KIFAP3: variants seen among roughly 807,000 people sequenced by gnomAD.
KIFAP3 encodes kinesin-associated protein 3.
Under a neutral mutation model 106.5 loss-of-function variants are expected in KIFAP3, and 68 were observed. The ratio of observed to expected loss-of-function variants is 0.64; its 90% CI spans 0.53 to 0.78. The LOEUF is 0.78. Ranked by LOEUF, KIFAP3 falls within the 30% of genes least tolerant of loss-of-function variation. The pLI, the probability that KIFAP3 is intolerant of heterozygous loss-of-function variation, is 0.00. For missense variants in KIFAP3, 780 were observed against 941.8 expected, an observed-to-expected ratio of 0.83 and a Z score of 2.25; for synonymous variants, 320 against 311.5, an observed-to-expected ratio of 1.03 and a Z score of -0.29.
At chr1:169,990,689 A>G (rs531759031) in intron 11 of KIFAP3, among the ~76,000 whole-genome samples, 14 of 152,196 alleles carry the variant, frequency 9.2e-5, no homozygotes, top group Admixed American at 5.2e-4. Context: ...GTTATGATGT[A>G]CAGAATCTCT....
At chr1:170,062,052 T>A (rs1345215554) in intron 1 of KIFAP3, among the ~76,000 whole-genome samples, 1 of 151,986 alleles carries the variant, frequency 6.6e-6, no homozygotes. Flanking sequence ...TTAGGAGATA[T>A]GCCTAATGTA....
chr1:170,052,435 A>G (rs1227907814), intron 2 of KIFAP3, among the ~76,000 whole-genome samples: 2 of 152,174 alleles, frequency 1.3e-5, no homozygotes, highest in African/African-American at 4.8e-5. Context: ...GGGTACCATT[A>G]TTTCTGAAAC....
chr1:169,946,798 C>T (rs892911494), intron 19 of KIFAP3, among the ~76,000 whole-genome samples: 8 of 151,872 alleles, frequency 5.3e-5, no homozygotes, highest in African/African-American at 1.9e-4. Flanking sequence ...TTAGAAGGCT[C>T]CTAAGGTATT....
At chr1:169,964,308 C>T (rs1225220155) in intron 17 of KIFAP3, among the ~76,000 whole-genome samples, 1 of 152,136 alleles carries the variant, frequency 6.6e-6, no homozygotes, top group Non-Finnish European at 1.5e-5. Context: ...AAATGAGGCC[C>T]TGAACACTGA....
intron 1 of KIFAP3, among the ~76,000 whole-genome samples, chr1:170,065,245 C>A (rs1277887707): frequency 6.6e-6 from 1 of 152,164 alleles, no homozygotes; most frequent in Non-Finnish European, 1.5e-5. Flanking sequence ...CATTAACTTA[C>A]CATGTCCATA....
chr1:170,079,095 T>A (rs1571783242), upstream of KIFAP3, among the ~76,000 whole-genome samples: 1 of 152,222 alleles, frequency 6.6e-6, no homozygotes, highest in African/African-American at 2.4e-5. Flanking sequence ...CAGGGCCTAA[T>A]GGGAGATGTT....
intron 1 of KIFAP3, among the ~76,000 whole-genome samples, chr1:170,062,852 T>G (rs190033135): frequency 6.6e-6 from 1 of 152,108 alleles, no homozygotes; most frequent in Non-Finnish European, 1.5e-5. Flanking sequence ...GTGACCCTAC[T>G]GCTTAGAAAT....
At chr1:170,005,768 T>C (rs1461202715) in intron 10 of KIFAP3, among the ~76,000 whole-genome samples, 1 of 148,658 alleles carries the variant, frequency 6.7e-6, no homozygotes, top group Non-Finnish European at 1.5e-5. Flanking sequence ...AATGACGAGT[T>C]AATGGGTGCA....
intron 10 of KIFAP3, among the ~76,000 whole-genome samples, chr1:170,015,667 T>C (rs1355589231): frequency 1.3e-5 from 2 of 152,140 alleles, no homozygotes; most frequent in African/African-American, 2.4e-5. Flanking sequence ...CACTTAGGCA[T>C]AAAAGAGCTT....
intron 9 of KIFAP3, among the ~76,000 whole-genome samples, chr1:170,022,334 T>C (rs532305366): frequency 7.1e-4 from 108 of 152,260 alleles, no homozygotes; most frequent in African/African-American, 2.5e-3. Context: ...CAACAATCTA[T>C]CAGCAAGTTT....
At chr1:170,046,578 C>T (rs557311860) in intron 3 of KIFAP3, 134 bp downstream of exon 3, 2 of 614,964 alleles carry the variant, frequency 3.3e-6, no homozygotes, top group South Asian at 6.1e-5. Flanking sequence ...TTTACTCATT[C>T]ATAACACTGG....
chr1:169,964,667 T>C lies in KIFAP3; in HGVS notation c.1984-3432A>G, dbSNP rs183658967. ...GGGTGGGTATTGGGAAAAGAGGGAG[T>C]TGAAAAATAATATGCACAGAGATGT... On this transcript the variant is annotated intron_variant, in intron 17 of 19. Transcript: ENST00000361580. 1.9e-4 allele frequency among the ~76,000 whole-genome samples: 29 copies of C among 152,018 alleles called. 1 individual carries two copies. The East Asian group carries it at 5.2e-3, about 27-fold the overall frequency.
At chr1:169,966,375 A>G (rs1665622844) in intron 17 of KIFAP3, among the ~76,000 whole-genome samples, 1 of 151,414 alleles carries the variant, frequency 6.6e-6, no homozygotes, top group African/African-American at 2.4e-5. Context: ...TGAATCTACT[A>G]CATTGGCAAG....
chr1:170,010,534 T>C (rs1668190796), intron 10 of KIFAP3, among the ~76,000 whole-genome samples: 1 of 152,056 alleles, frequency 6.6e-6, no homozygotes, highest in African/African-American at 2.4e-5. Flanking sequence ...CCTTTAATTA[T>C]TCAAATCACA....
At chr1:169,921,905 A>T in intron 19 of KIFAP3, 124 bp from the exon 20 acceptor site, 2 of 615,654 alleles carry the variant, frequency 3.2e-6, no homozygotes, top group Non-Finnish European at 5.2e-6. Flanking sequence ...ATTTAGGTGG[A>T]TATCATTAAC....
intron 1 of KIFAP3, among the ~76,000 whole-genome samples, chr1:170,081,260 G>C (rs1401240988): frequency 2.6e-5 from 4 of 152,132 alleles, no homozygotes; most frequent in African/African-American, 9.7e-5. Flanking sequence ...CATAAAAGGA[G>C]ATACATCTCT....
At position 169,932,832 on chromosome 1, in the gene KIFAP3, T is replaced by C. The variant is rs1558173698; in HGVS notation, c.2274-11051A>G. 4.6e-5 allele frequency among the ~76,000 whole-genome samples: 7 copies of C among 152,054 alleles called. No individual in the cohort carries two copies. In the South Asian group the frequency reaches 1.5e-3, roughly 32 times the overall value. ...CTTTAAGGAAGCAGACAAATGTTTG[T>C]CTTAAAAAAATCCTGAAAATCTTAT... is the stretch of plus-strand genomic sequence containing the variant. On this transcript the variant is annotated intron_variant, in intron 19 of 19. Coordinates refer to ENST00000361580, the MANE Select transcript of KIFAP3 (RefSeq NM_014970.4).
At chr1:170,057,841 T>C (rs1670928770) in intron 1 of KIFAP3, among the ~76,000 whole-genome samples, 1 of 152,158 alleles carries the variant, frequency 6.6e-6, no homozygotes, top group Non-Finnish European at 1.5e-5. Context: ...ATTAAATTGA[T>C]ATCTTTTAGC....
At chr1:169,927,353 C>T (rs1663200246) in intron 19 of KIFAP3, among the ~76,000 whole-genome samples, 1 of 152,060 alleles carries the variant, frequency 6.6e-6, no homozygotes. Context: ...TGATGTCATC[C>T]TACTGTAGCA....
Sources: allele counts gnomAD v4.1 joint callset (sites outside exome capture counted in the v4.1 genomes callset), GRCh38; gene constraint gnomAD v4.1.1; transcripts MANE v1.5; gene names NCBI Gene and HGNC (gene_info 2026-07-23, HGNC 2026-07-21).